NRP2: variants seen among roughly 807,000 people sequenced by gnomAD.
The protein encoded by NRP2 is neuropilin-2.
A neutral mutation model predicts 110.4 loss-of-function variants in NRP2; 52 were observed. That is an observed-to-expected ratio of 0.47 (90% CI 0.38 to 0.59). The LOEUF (loss-of-function observed/expected upper bound fraction) is 0.59, where lower values mean the gene tolerates loss of function less well. Ranked by LOEUF, NRP2 falls within the 20% of genes least tolerant of loss-of-function variation. The pLI is 0.00. For missense variants in NRP2, 1,049 were observed against 1,203.0 expected (o/e 0.87, Z 1.89); for synonymous variants, 508 against 468.9 (o/e 1.08, Z -1.08).
At chr2:205,734,416 A>G (rs114262614) in intron 7 of NRP2, among the ~76,000 whole-genome samples, 2,367 of 31,512 alleles carry the variant, frequency 0.075, 73 homozygotes, top group African/African-American at 0.2. Context: ...CCCACCCCGC[A>G]TCGCAACAGT....
chr2:205,782,495 G>A (rs986117012), intron 15 of NRP2, among the ~76,000 whole-genome samples: 2 of 152,118 alleles, frequency 1.3e-5, no homozygotes, highest in African/African-American at 2.4e-5. Context: ...AGCCAAAGTC[G>A]ATTTCATTGT....
At chr2:205,790,690 C>A (rs2058291238) in intron 15 of NRP2, among the ~76,000 whole-genome samples, 1 of 149,848 alleles carries the variant, frequency 6.7e-6, no homozygotes, top group Non-Finnish European at 1.5e-5. Flanking sequence ...TGTGGGTTGA[C>A]TTTCACAAGC....
chr2:205,720,483 G>A (rs1227329173), intron 3 of NRP2, among the ~76,000 whole-genome samples: 1 of 152,058 alleles, frequency 6.6e-6, no homozygotes, highest in East Asian at 1.9e-4. Context: ...TCCCAGGGGG[G>A]TGGACATTCC....
intron 15 of NRP2, among the ~76,000 whole-genome samples, chr2:205,783,852 G>A (rs1039196458): frequency 3.9e-5 from 6 of 152,234 alleles, no homozygotes; most frequent in African/African-American, 1.2e-4. Context: ...ATAATGGAGT[G>A]TGTGTGGCTA....
At chr2:205,772,813 C>A (rs538001257) in intron 15 of NRP2, among the ~76,000 whole-genome samples, 1 of 152,204 alleles carries the variant, frequency 6.6e-6, no homozygotes, top group Non-Finnish European at 1.5e-5. Context: ...CTCAGCAATT[C>A]GGGCATCTGG....
intron 15 of NRP2, among the ~76,000 whole-genome samples, chr2:205,773,670 C>A (rs2058056474): frequency 6.6e-6 from 1 of 152,188 alleles, no homozygotes; most frequent in African/African-American, 2.4e-5. Context: ...CTCCATTGTG[C>A]CCTAACATTG....
chr2:205,691,169 G>T (rs1310912419), intron 1 of NRP2, among the ~76,000 whole-genome samples: 1 of 152,186 alleles, frequency 6.6e-6, no homozygotes, highest in Non-Finnish European at 1.5e-5. Flanking sequence ...AGATGGATCA[G>T]CAAGGAGTCA....
In NRP2 at chr2:205,766,767, TG is replaced by T. The variant is rs1253233353; in HGVS notation, c.2405-15del. 1 of 1,613,122 alleles carries T rather than the reference TG, an allele frequency of 6.2e-7. No individual in the cohort carries two copies. The stretch of plus-strand genomic sequence containing the variant: ...TTGCCTTTAACTAAGTCCAATTTTT[TG>T]TTTGTTTTTTTCAGAACCCATCTCG... On this transcript the variant is annotated splice_polypyrimidine_tract_variant and intron_variant, in intron 14 of 16. Transcript: ENST00000357785.
At chr2:205,735,639 G>A (rs1361274637) in intron 7 of NRP2, among the ~76,000 whole-genome samples, 1 of 104,146 alleles carries the variant, frequency 9.6e-6, no homozygotes, top group Non-Finnish European at 2.1e-5. Flanking sequence ...AACCAAACTG[G>A]GATGCTGGAT....
intron 11 of NRP2, chr2:205,752,570 G>A: frequency 2.1e-6 from 1 of 483,132 alleles, no homozygotes; most frequent in South Asian, 2.1e-5. Context: ...GCTGATTAGA[G>A]CCTGAAGCCA....
intron 2 of NRP2, among the ~76,000 whole-genome samples, chr2:205,700,075 T>C: frequency 6.6e-6 from 1 of 152,078 alleles, no homozygotes; most frequent in East Asian, 1.9e-4. Flanking sequence ...CCCCTGGCCA[T>C]TTGCATTTGC....
At chr2:205,776,646 G>C in intron 15 of NRP2, 1 of 1,576,018 alleles carries the variant, frequency 6.3e-7, no homozygotes, top group South Asian at 1.1e-5. Context: ...CTCTTTCCCG[G>C]ATCCCCAACC....
In NRP2 at chr2:205,750,727, A is replaced by G. The variant is rs556266298; in HGVS notation, c.1903+886A>G. Among the ~76,000 whole-genome samples, 7 of 152,350 alleles carry G rather than the reference A, an allele frequency of 4.6e-5. No homozygotes were observed. The South Asian group carries it at 1.5e-3, about 32-fold the overall frequency. ...AATTACTGATCATTATTAAATGTTC[A>G]TTAAACAAAATGAGGGAAGATTGGC... On this transcript the variant is annotated intron_variant, in intron 11 of 16. Coordinates refer to ENST00000357785, the MANE Select transcript of NRP2 (RefSeq NM_003872.3).
chr2:205,784,851 C>T (rs1240787257), intron 15 of NRP2, among the ~76,000 whole-genome samples: 2 of 152,210 alleles, frequency 1.3e-5, no homozygotes, highest in Non-Finnish European at 2.9e-5. Context: ...GGGTCAGATT[C>T]CTTCACACAA....
rs142071748 is a variant in NRP2 at position 205,719,536 on chromosome 2, A to ATG, written c.434-2926_434-2925dup. ...ACATTGAAAACAAAATCAGTGGAAA[A>ATG]TGTGTGTGTGTGTGTGTTTGGTTTT... On this transcript the variant is annotated intron_variant, in intron 3 of 16. Coordinates refer to ENST00000357785, the MANE Select transcript of NRP2 (RefSeq NM_003872.3). 5.9e-3 allele frequency among the ~76,000 whole-genome samples: 896 copies of ATG among 151,404 alleles called. 7 individuals carry two copies. The highest frequency in any genetic ancestry group is 0.019 in the African/African-American group (784 of 41,334).
At chr2:205,698,221 TA>T (rs35600028) in intron 2 of NRP2, among the ~76,000 whole-genome samples, 33,600 of 141,542 alleles carry the variant, frequency 0.24, 3,954 homozygotes, top group Middle Eastern at 0.39. Context: ...AAAAAAAGGG[TA>T]AAAAAAAAAA....
chr2:205,758,012 G>A (rs954422995), intron 12 of NRP2, among the ~76,000 whole-genome samples: 11 of 151,968 alleles, frequency 7.2e-5, no homozygotes, highest in African/African-American at 1.2e-4. Flanking sequence ...CATGAAAGCC[G>A]GCAGAGTGAA....
intron 2 of NRP2, among the ~76,000 whole-genome samples, chr2:205,702,606 A>G (rs1439674102): frequency 6.6e-6 from 1 of 152,224 alleles, no homozygotes; most frequent in Non-Finnish European, 1.5e-5. Context: ...TATATCTTAG[A>G]AGATATGTCT....
At chr2:205,750,792 T>C (rs1452083271) in intron 11 of NRP2, among the ~76,000 whole-genome samples, 3 of 152,132 alleles carry the variant, frequency 2.0e-5, no homozygotes, top group African/African-American at 7.2e-5. Context: ...AAGATATAGG[T>C]AGATGGCAAA....
Sources: gnomAD v4.1 joint callset for allele counts (sites outside exome capture counted in the v4.1 genomes callset) on GRCh38, gnomAD v4.1.1 for gene constraint, MANE v1.5 for transcripts, NCBI Gene and HGNC (gene_info 2026-07-23, HGNC 2026-07-21) for gene names.